Variants in NHS observed in about 807,000 individuals in gnomAD.
NHS encodes the protein NHS actin remodeling regulator.
Under a neutral mutation model 72.5 loss-of-function variants are expected in NHS, and 5 were observed. The observed-to-expected ratio is 0.07, with a 90% confidence interval of 0.04 to 0.14. The LOEUF is 0.14. Ranked by LOEUF, NHS falls within the 10% of genes least tolerant of loss-of-function variation. The pLI, the probability that NHS is intolerant of heterozygous loss-of-function variation, is 1.00. For missense variants in NHS, 1,072 were observed against 1,355.7 expected, an observed-to-expected ratio of 0.79 and a Z score of 3.29; for synonymous variants, 464 against 547.7, an observed-to-expected ratio of 0.85 and a Z score of 2.13.
intron 1 of NHS, among the ~76,000 whole-genome samples, chrX:17,553,560 C>G (rs962932728): frequency 3.6e-5 from 4 of 111,944 alleles, no homozygotes; most frequent in Non-Finnish European, 7.5e-5. Flanking sequence ...ACTGGTGACT[C>G]AAACTTATTT....
chrX:17,553,510 A>T (rs1361622480), intron 1 of NHS, among the ~76,000 whole-genome samples: 1 of 112,568 alleles, frequency 8.9e-6, no homozygotes, highest in Non-Finnish European at 1.9e-5. Flanking sequence ...TAGAAAAGAA[A>T]TGCCCAAATC....
chrX:17,393,190 C>A (rs902219986), intron 1 of NHS, among the ~76,000 whole-genome samples: 1 of 111,671 alleles, frequency 9.0e-6, no homozygotes, highest in African/African-American at 3.3e-5. Context: ...TTAAAAACTT[C>A]TTTCCTTGAA....
chrX:17,649,910 G>A (rs920311316), intron 1 of NHS, among the ~76,000 whole-genome samples: 5 of 112,206 alleles, frequency 4.5e-5, no homozygotes, highest in African/African-American at 1.6e-4. Context: ...TGGGGCAGGA[G>A]CAATAGTAAT....
intron 1 of NHS, among the ~76,000 whole-genome samples, chrX:17,507,745 C>T (rs745677976): frequency 4.5e-5 from 5 of 111,726 alleles, no homozygotes; most frequent in Admixed American, 1.9e-4. Context: ...GATGCATTAG[C>T]TGAGCAAAAG....
intron 1 of NHS, among the ~76,000 whole-genome samples, chrX:17,492,624 G>C (rs1281377965): frequency 8.9e-6 from 1 of 112,192 alleles, no homozygotes; most frequent in Non-Finnish European, 1.9e-5. Flanking sequence ...ATTTAGGGTG[G>C]AGAGTTCTGT....
chrX:17,623,998 G>A (rs1050426601), intron 1 of NHS, among the ~76,000 whole-genome samples: 2 of 112,919 alleles, frequency 1.8e-5, no homozygotes, highest in Admixed American at 1.9e-4. Context: ...AACTGCCTAC[G>A]CAGCCAGGCA....
intron 1 of NHS, among the ~76,000 whole-genome samples, chrX:17,623,079 C>T (rs937026959): frequency 9.0e-6 from 1 of 111,168 alleles, no homozygotes; most frequent in Non-Finnish European, 1.9e-5. Context: ...AGTCATCCAC[C>T]ACCATGCCCT....
At chrX:17,509,883 A>C (rs1485721375) in intron 1 of NHS, among the ~76,000 whole-genome samples, 1 of 112,844 alleles carries the variant, frequency 8.9e-6, no homozygotes, top group Non-Finnish European at 1.9e-5. Flanking sequence ...TAATAATGGT[A>C]ACAACAGCAG....
intron 1 of NHS, among the ~76,000 whole-genome samples, chrX:17,444,214 T>C (rs1039779243): frequency 4.5e-5 from 5 of 111,756 alleles, no homozygotes; most frequent in South Asian, 7.6e-4. Context: ...TAGAAAAATA[T>C]CTATTTTGGA....
At chrX:17,714,853 G>A (rs2066355637) in intron 3 of NHS, among the ~76,000 whole-genome samples, 1 of 111,904 alleles carries the variant, frequency 8.9e-6, no homozygotes, top group African/African-American at 3.2e-5. Context: ...GATGCCCTGA[G>A]GTAGCAGTTC....
chrX:17,496,831 A>G (rs1454698318), intron 1 of NHS, among the ~76,000 whole-genome samples: 1 of 111,875 alleles, frequency 8.9e-6, no homozygotes, highest in Non-Finnish European at 1.9e-5. Context: ...CCCGCTTTCC[A>G]TAGATATTTC....
intron 1 of NHS, among the ~76,000 whole-genome samples, chrX:17,452,243 G>C (rs748082248): frequency 2.0e-4 from 22 of 111,806 alleles, no homozygotes; most frequent in Non-Finnish European, 4.1e-4. Context: ...ATATATGAAG[G>C]CTTCTCAAAA....
intron 1 of NHS, among the ~76,000 whole-genome samples, chrX:17,502,231 A>T (rs1022923482): frequency 9.0e-6 from 1 of 111,393 alleles, no homozygotes; most frequent in African/African-American, 3.3e-5. Context: ...CTAGTTTCAC[A>T]GGAAGGTCAC....
intron 1 of NHS, among the ~76,000 whole-genome samples, chrX:17,531,743 C>A (rs1378102413): frequency 8.9e-6 from 1 of 112,234 alleles, no homozygotes; most frequent in Admixed American, 9.4e-5. Context: ...TTCAGGCCCC[C>A]ACAGGGCCTT....
chrX:17,376,414 G>A, intron 1 of NHS, 92 bp downstream of exon 1: 1 of 852,201 alleles, frequency 1.2e-6, no homozygotes, highest in Non-Finnish European at 1.7e-6. Flanking sequence ...GCCCCGCGGC[G>A]CCGCTCCGGT....
intron 1 of NHS, among the ~76,000 whole-genome samples, chrX:17,644,042 A>C (rs2065894616): frequency 8.9e-6 from 1 of 112,456 alleles, no homozygotes; most frequent in African/African-American, 3.2e-5. Flanking sequence ...TGAAATAACA[A>C]GTAGCAAATA....
chrX:17,697,844 T>C (rs760065730), intron 3 of NHS, among the ~76,000 whole-genome samples: 32 of 108,027 alleles, frequency 3.0e-4, no homozygotes, highest in African/African-American at 9.4e-4. Context: ...CAATAAGAAC[T>C]AGTTAACCAG....
intron 1 of NHS, among the ~76,000 whole-genome samples, chrX:17,597,949 T>G (rs1279901155): frequency 9.0e-6 from 1 of 111,357 alleles, no homozygotes; most frequent in Non-Finnish European, 1.9e-5. Context: ...GGTAGGACAC[T>G]CCTGCTTGAT....
intron 1 of NHS, among the ~76,000 whole-genome samples, chrX:17,430,260 T>TTTCTTTCC (rs1301092324): frequency 7.0e-4 from 3 of 4,290 alleles, no homozygotes; most frequent in East Asian, 8.5e-3. Flanking sequence ...CCTCTTTCTT[T>TTTCTTTCC]TTCTTTCTTT....
Sources: gnomAD v4.1 joint callset for allele counts (sites outside exome capture counted in the v4.1 genomes callset) on GRCh38, gnomAD v4.1.1 for gene constraint, MANE v1.5 for transcripts, NCBI Gene and HGNC (gene_info 2026-07-23, HGNC 2026-07-21) for gene names.